Variants in CA5A observed in about 807,000 individuals in gnomAD.
CA5A encodes carbonic anhydrase 5A.
CA5A carries 28 observed loss-of-function variants against 37.1 expected under a neutral mutation model. The ratio of observed to expected loss-of-function variants is 0.75; its 90% CI spans 0.56 to 1.03. The LOEUF (loss-of-function observed/expected upper bound fraction) is 1.03. Ranked by LOEUF, CA5A falls within the 50% of genes least tolerant of loss-of-function variation. The pLI is 0.00. For missense variants in CA5A, 444 were observed against 399.9 expected, an observed-to-expected ratio of 1.11 and a Z score of -0.94; for synonymous variants, 171 against 158.4, an observed-to-expected ratio of 1.08 and a Z score of -0.60.
At chr16:87,901,228 A>C (rs1227699085) in intron 5 of CA5A, among the ~76,000 whole-genome samples, 1 of 152,238 alleles carries the variant, frequency 6.6e-6, no homozygotes, top group Non-Finnish European at 1.5e-5. Context: ...AGACTCCTCG[A>C]AAAAATAAAA....
intron 2 of CA5A, chr16:87,923,784 G>A: frequency 1.0e-6 from 1 of 985,098 alleles, no homozygotes; most frequent in Non-Finnish European, 1.2e-6. Context: ...GAGACCCACA[G>A]CCACATCTAA....
At chr16:87,883,542 G>A (rs2055625539), downstream of CA5A, 1 of 150,922 alleles carries the variant, frequency 6.6e-6, no homozygotes, top group Non-Finnish European at 1.5e-5. Flanking sequence ...GTGTTAGCCA[G>A]GATGGTCTTG....
intron 2 of CA5A, among the ~76,000 whole-genome samples, chr16:87,907,564 G>C (rs2055983475): frequency 6.6e-6 from 1 of 152,184 alleles, no homozygotes; most frequent in East Asian, 1.9e-4. Flanking sequence ...AATTAGACTG[G>C]ACCCAGCCTG....
chr16:87,935,603 C>T (rs146989120), intron 1 of CA5A, among the ~76,000 whole-genome samples: 2,936 of 152,282 alleles, frequency 0.019, 93 homozygotes, highest in African/African-American at 0.066. Context: ...TGGCCAGGCG[C>T]GGTGGCTCAC....
chr16:87,930,848 C>G (rs1055711203), intron 1 of CA5A, among the ~76,000 whole-genome samples: 2 of 151,246 alleles, frequency 1.3e-5, no homozygotes, highest in African/African-American at 4.9e-5. Context: ...TCAGGCGATT[C>G]TCCTGCCTCA....
rs1301535120 is a variant in CA5A at position 87,899,911 on chromosome 16, T to C, written c.618+2001A>G. On this transcript the variant is annotated intron_variant, in intron 5 of 6. Coordinates refer to ENST00000649794, the MANE Select transcript of CA5A (RefSeq NM_001739.2). ...CTCCAGCCTGGGCAACAGAGCGAGA[T>C]TTTATCTCAAAAAAAAAAAAAAAAA... 3.9e-5 allele frequency among the ~76,000 whole-genome samples: 4 copies of C among 103,608 alleles called. No individual in the cohort carries two copies. The Admixed American group carries it at 4.9e-4, about 13-fold the overall frequency. 68.0% of individuals were successfully genotyped at this position (103,608 alleles called of 152,430 possible). A position where few individuals can be genotyped will look rare whatever the true frequency, so the allele number is the denominator to read the frequency against.
chr16:87,928,498 T>C (rs2056346232), intron 1 of CA5A, among the ~76,000 whole-genome samples: 1 of 152,196 alleles, frequency 6.6e-6, no homozygotes. Context: ...TTTATTTTAA[T>C]GAACAAGGAT....
At chr16:87,894,750 G>A (rs1333023944) in intron 5 of CA5A, among the ~76,000 whole-genome samples, 1 of 151,954 alleles carries the variant, frequency 6.6e-6, no homozygotes, top group African/African-American at 2.4e-5. Context: ...ATGGTGGCAG[G>A]TGCCTGTCAT....
At position 87,928,760 on chromosome 16, in the gene CA5A, G is replaced by GTTTTTTTTTTTTTTTTTTT. The variant is rs60994571; in HGVS notation, c.143-1834_143-1816dup. 8.6e-5 allele frequency among the ~76,000 whole-genome samples: 5 copies of GTTTTTTTTTTTTTTTTTTT among 57,924 alleles called. 1 individual carries two copies. Among genetic ancestry groups the GTTTTTTTTTTTTTTTTTTT allele is most frequent in the Middle Eastern group, 0.016 (1 of 64 alleles). 38.0% of individuals were successfully genotyped at this position (57,924 alleles called of 152,430 possible). On this transcript the variant is annotated intron_variant, in intron 1 of 6. Coordinates refer to ENST00000649794, the MANE Select transcript of CA5A (RefSeq NM_001739.2). ...TCATCTGGATTATTTTCTTTTCTTT[G>GTTTTTTTTTTTTTTTTTTT]TTTTTTTTTTTTTTTTTTTTTTTTT...
chr16:87,917,826 C>T (rs1388255756), intron 2 of CA5A, among the ~76,000 whole-genome samples: 1 of 144,794 alleles, frequency 6.9e-6, no homozygotes, highest in African/African-American at 2.6e-5. Flanking sequence ...CACACGAACA[C>T]ACATGCACAC....
intron 1 of CA5A, among the ~76,000 whole-genome samples, chr16:87,935,202 A>G (rs2056455406): frequency 6.6e-6 from 1 of 152,220 alleles, no homozygotes; most frequent in African/African-American, 2.4e-5. Context: ...GGAAGATTTC[A>G]GTTAGAAGAG....
intron 1 of CA5A, among the ~76,000 whole-genome samples, chr16:87,933,590 C>G (rs2056435202): frequency 6.6e-6 from 1 of 151,668 alleles, no homozygotes; most frequent in African/African-American, 2.4e-5. Flanking sequence ...GCTATGTTGC[C>G]CAGGCTGATC....
At chr16:87,889,696 T>C (rs190223165) in intron 6 of CA5A, among the ~76,000 whole-genome samples, 1 of 151,764 alleles carries the variant, frequency 6.6e-6, no homozygotes, top group Non-Finnish European at 1.5e-5. Context: ...CTCTTTAACC[T>C]GGGAGGCGGA....
At chr16:87,918,862 A>G (rs1395489771) in intron 2 of CA5A, among the ~76,000 whole-genome samples, 1 of 152,224 alleles carries the variant, frequency 6.6e-6, no homozygotes, top group African/African-American at 2.4e-5. Context: ...AAATCTGTGA[A>G]GGAGAGGACC....
chr16:87,911,891 G>C lies in CA5A; in HGVS notation c.341-6987C>G, dbSNP rs1440398625. ...GCCTACTTCAGGGGCCCATGGCAAG[G>C]ATTGAGTACGGTGATGCTTACAAAG... On this transcript the variant is annotated intron_variant, in intron 2 of 6. Transcript: ENST00000649794. The surrounding 1 kb of genome is among the most constrained non-coding windows in gnomAD (Gnocchi z 4.6). Among the ~76,000 whole-genome samples, 3 of 152,192 alleles carry C rather than the reference G, an allele frequency of 2.0e-5. No homozygotes were observed. The highest frequency in any genetic ancestry group is 4.8e-5 in the African/African-American group (2 of 41,424).
At chr16:87,901,693 T>G (rs567473416) in intron 5 of CA5A, among the ~76,000 whole-genome samples, 7 of 151,988 alleles carry the variant, frequency 4.6e-5, no homozygotes, top group African/African-American at 1.7e-4. Flanking sequence ...GTTCAAACGA[T>G]TCTCCTGCCT....
At chr16:87,888,002 G>T, downstream of CA5A, 12 of 1,400,800 alleles carry the variant, frequency 8.6e-6, no homozygotes, top group Non-Finnish European at 1.0e-5. Context: ...AAAGTACTTC[G>T]ACTAAAACAA....
At chr16:87,908,816 CTGCT>C (rs1258138890) in intron 2 of CA5A, among the ~76,000 whole-genome samples, 2 of 151,916 alleles carry the variant, frequency 1.3e-5, no homozygotes, top group African/African-American at 4.8e-5. Flanking sequence ...CCTTCTTCTT[CTGCT>C]TTTTCTTCTT....
downstream of CA5A, chr16:87,887,529 C>T (rs1195917872): frequency 1.3e-5 from 2 of 152,730 alleles, no homozygotes; most frequent in African/African-American, 4.8e-5. Context: ...ATTCTTCTGC[C>T]TCAGCCTCCC....
Sources: gnomAD v4.1 joint callset for allele counts (sites outside exome capture counted in the v4.1 genomes callset) on GRCh38, gnomAD v4.1.1 for gene constraint, Gnocchi (gnomAD v3.1) non-coding constraint, MANE v1.5 for transcripts, NCBI Gene and HGNC (gene_info 2026-07-23, HGNC 2026-07-21) for gene names.